TRMT11: variants seen among roughly 807,000 people sequenced by gnomAD.
TRMT11 encodes the protein tRNA (guanine(10)-N(2))-methyltransferase TRMT11.
Under a neutral mutation model 62.8 loss-of-function variants are expected in TRMT11, and 53 were observed. The observed-to-expected ratio is 0.84, with a 90% CI of 0.68 to 1.06. The LOEUF is 1.06. Among genes scored for constraint, TRMT11 ranks in the 50% least tolerant of loss-of-function variants. TRMT11 has a pLI of 0.00. For synonymous variants in TRMT11, 188 were observed against 190.3 expected (o/e 0.99, Z 0.10); for missense variants, 556 against 553.4 (o/e 1.00, Z -0.05).
At chr6:126,166,838 T>C (rs746655604) in intron 21 of TRMT11, among the ~76,000 whole-genome samples, 2 of 152,200 alleles carry the variant, frequency 1.3e-5, no homozygotes, top group Non-Finnish European at 2.9e-5. Flanking sequence ...AGAGGCAGTG[T>C]AGCTACAGTG....
intron 1 of TRMT11, among the ~76,000 whole-genome samples, chr6:126,193,257 C>G (rs564314950): frequency 3.6e-4 from 55 of 151,980 alleles, no homozygotes; most frequent in Middle Eastern, 3.4e-3. Flanking sequence ...TCTATGGTAA[C>G]TGTTGTAATG....
upstream of TRMT11, among the ~76,000 whole-genome samples, chr6:126,176,596 T>C (rs1778387420): frequency 6.6e-6 from 1 of 152,166 alleles, no homozygotes; most frequent in East Asian, 1.9e-4. Context: ...TGGCCTTTTC[T>C]CCACTTGGAT....
downstream of TRMT11, among the ~76,000 whole-genome samples, chr6:126,042,362 T>G (rs558202362): frequency 6.6e-6 from 1 of 152,300 alleles, no homozygotes; most frequent in South Asian, 2.1e-4. Context: ...TTGGCTCTTA[T>G]CCCTTCCTTT....
At chr6:126,236,983 A>G in the TRMT11 span, among the ~76,000 whole-genome samples, 4 of 152,126 alleles carry the variant, frequency 2.6e-5, no homozygotes, top group Admixed American at 6.5e-5. Flanking sequence ...TTCTGCTTCC[A>G]TCTAACATGC....
At chr6:126,028,293 G>A (rs1168425690) in intron 12 of TRMT11, among the ~76,000 whole-genome samples, 2 of 152,086 alleles carry the variant, frequency 1.3e-5, no homozygotes, top group East Asian at 3.8e-4. Flanking sequence ...TCATTTATTG[G>A]TGAGAAAAAC....
chr6:126,196,329 T>C (rs1163418406), intron 1 of TRMT11, among the ~76,000 whole-genome samples: 1 of 152,152 alleles, frequency 6.6e-6, no homozygotes, highest in Non-Finnish European at 1.5e-5. Context: ...TTTTACGCTT[T>C]ACACAGGAAA....
intron 17 of TRMT11, among the ~76,000 whole-genome samples, chr6:126,095,852 T>G (rs1777334148): frequency 6.6e-6 from 1 of 152,148 alleles, no homozygotes; most frequent in Non-Finnish European, 1.5e-5. Flanking sequence ...GAGAGCTTTT[T>G]AAGTGGGATC....
chr6:126,092,943 G>T (rs540537305), intron 17 of TRMT11, among the ~76,000 whole-genome samples: 4 of 152,178 alleles, frequency 2.6e-5, no homozygotes, highest in Non-Finnish European at 4.4e-5. Flanking sequence ...AACTGGGCAA[G>T]AATTCTTAGC....
intron 12 of TRMT11, among the ~76,000 whole-genome samples, chr6:126,027,518 T>C (rs1021683854): frequency 6.6e-6 from 1 of 152,240 alleles, no homozygotes; most frequent in Non-Finnish European, 1.5e-5. Flanking sequence ...GTGGTTTATT[T>C]ACTTCACATG....
chr6:126,210,631 A>G, the TRMT11 span, among the ~76,000 whole-genome samples: 98 of 152,248 alleles, frequency 6.4e-4, 1 homozygote, highest in African/African-American at 2.2e-3. Flanking sequence ...TCATAAATTT[A>G]TATCTCCAGC....
chr6:126,219,052 G>A, the TRMT11 span, among the ~76,000 whole-genome samples: 60 of 152,240 alleles, frequency 3.9e-4, no homozygotes, highest in African/African-American at 1.2e-3. Context: ...TAGATTCTCC[G>A]TGCCATGTGG....
intron 18 of TRMT11, among the ~76,000 whole-genome samples, chr6:126,113,056 T>C (rs1371791017): frequency 6.6e-6 from 1 of 152,028 alleles, no homozygotes; most frequent in Non-Finnish European, 1.5e-5. Flanking sequence ...GTGAACTCCC[T>C]CCCTGGCCTT....
intron 17 of TRMT11, among the ~76,000 whole-genome samples, chr6:126,109,782 A>G (rs910498321): frequency 2.6e-5 from 4 of 152,196 alleles, no homozygotes; most frequent in Admixed American, 6.5e-5. Flanking sequence ...AATGTCATCT[A>G]TTAGTATTAT....
chr6:126,243,928 A>G, the TRMT11 span, among the ~76,000 whole-genome samples: 1 of 152,240 alleles, frequency 6.6e-6, no homozygotes, highest in African/African-American at 2.4e-5. Flanking sequence ...AACTTAAAGT[A>G]TAATAAAAAA....
chr6:126,119,147 A>G (rs576230111), intron 21 of TRMT11, among the ~76,000 whole-genome samples: 1 of 151,898 alleles, frequency 6.6e-6, no homozygotes, highest in South Asian at 2.1e-4. Flanking sequence ...CTGATGAGAC[A>G]TTTAGCACAG....
chr6:126,095,737 AGC>A (rs1390173713), intron 17 of TRMT11, among the ~76,000 whole-genome samples: 4 of 152,198 alleles, frequency 2.6e-5, no homozygotes, highest in African/African-American at 9.6e-5. Context: ...ATGTAATGGA[AGC>A]AACTAACTAT....
downstream of TRMT11, among the ~76,000 whole-genome samples, chr6:126,205,628 TGTA>T (rs1461031800): frequency 6.6e-6 from 1 of 152,220 alleles, no homozygotes; most frequent in African/African-American, 2.4e-5. Context: ...TGATTTTAAT[TGTA>T]GTCAATTAAA....
At chr6:126,062,485 C>T (rs922825625) in intron 17 of TRMT11, among the ~76,000 whole-genome samples, 6 of 152,146 alleles carry the variant, frequency 3.9e-5, no homozygotes, top group African/African-American at 7.2e-5. Context: ...AGCCTACTTT[C>T]GTGGCAACTT....
chr6:126,059,110 C>T (rs1206741560), intron 17 of TRMT11, among the ~76,000 whole-genome samples: 1 of 148,518 alleles, frequency 6.7e-6, no homozygotes, highest in African/African-American at 2.5e-5. Flanking sequence ...TCTCAGAATC[C>T]TGGCCTCAAG....
Sources: gnomAD v4.1 joint callset for allele counts (sites outside exome capture counted in the v4.1 genomes callset) on GRCh38, gnomAD v4.1.1 for gene constraint, MANE v1.5 for transcripts, NCBI Gene and HGNC (gene_info 2026-07-23, HGNC 2026-07-21) for gene names.